Variants in TPCN2 observed in about 807,000 individuals in gnomAD.
TPCN2 encodes the protein two pore channel protein 2.
TPCN2 carries 92 observed loss-of-function variants against 111.4 expected under a neutral mutation model. The observed-to-expected ratio is 0.83, with a 90% CI of 0.70 to 0.98. TPCN2 has a LOEUF of 0.98. TPCN2 is among the 50% of genes least tolerant of loss of function. The pLI, the probability that TPCN2 is intolerant of heterozygous loss-of-function variation, is 0.00. For missense variants in TPCN2, 995 were observed against 980.1 expected, an observed-to-expected ratio of 1.02 and a Z score of -0.20; for synonymous variants, 405 against 414.5, an observed-to-expected ratio of 0.98 and a Z score of 0.28.
At position 69,087,832 on chromosome 11, in the gene TPCN2, C is replaced by T. The variant is rs570283624; in HGVS notation, c.2181-43C>T. On this transcript the variant is annotated intron_variant, in intron 24 of 24. Coordinates refer to ENST00000294309, the MANE Select transcript of TPCN2 (RefSeq NM_139075.4). Reference sequence around the variant, plus strand: ...TTCTTGTGGGCAGGCCAGGGTCTCCCTCCTTTAGAGGCCCCTGTGTGCATC... The same window carrying T: ...TTCTTGTGGGCAGGCCAGGGTCTCCTTCCTTTAGAGGCCCCTGTGTGCATC... 1.9e-5 allele frequency: 30 copies of T among 1,549,756 alleles called. No individual in the cohort carries two copies. The South Asian group carries it at 3.1e-4, about 16-fold the overall frequency.
In TPCN2 at chr11:69,056,813, G is replaced by A. The variant is rs374995476; in HGVS notation, c.430-765G>A. Among the ~76,000 whole-genome samples, 44 of 151,408 alleles carry A rather than the reference G, an allele frequency of 2.9e-4. No individual in the cohort carries two copies. The South Asian group carries it at 9.2e-3, about 32-fold the overall frequency. Reference sequence around the variant, plus strand: ...CCCAAAGTGCTGGGATTACAGGTGTGAGCCACTGTGCCCGGCCGTCTTTTA... The same window carrying A: ...CCCAAAGTGCTGGGATTACAGGTGTAAGCCACTGTGCCCGGCCGTCTTTTA... On this transcript the variant is annotated intron_variant, in intron 4 of 24. Transcript: ENST00000294309.
intron 16 of TPCN2, 142 bp from the exon 17 acceptor site, chr11:69,079,692 G>T (rs1855926955): frequency 2.5e-5 from 17 of 691,014 alleles, no homozygotes; most frequent in Non-Finnish European, 3.8e-5. Flanking sequence ...CCAACCCGTG[G>T]GGTCCAGGAC....
chr11:69,072,262 G>A (rs1206272624), intron 11 of TPCN2, among the ~76,000 whole-genome samples: 3 of 152,206 alleles, frequency 2.0e-5, no homozygotes, highest in East Asian at 1.9e-4. Context: ...AGGGCCGAGT[G>A]GCCCGGCCTT....
At chr11:69,078,096 G>T (rs934911250) in intron 13 of TPCN2, among the ~76,000 whole-genome samples, 2 of 152,050 alleles carry the variant, frequency 1.3e-5, no homozygotes, top group Non-Finnish European at 2.9e-5. Context: ...CAGTACAGGA[G>T]TTGGTTCTGT....
At chr11:69,084,143 C>G (rs1856167177) in intron 19 of TPCN2, 127 bp downstream of exon 19, 15 of 942,546 alleles carry the variant, frequency 1.6e-5, no homozygotes, top group Non-Finnish European at 2.5e-5. Context: ...CGGACGGCAG[C>G]AGGTTCCTGA....
intron 19 of TPCN2, 64 bp from the exon 20 acceptor site, chr11:69,085,146 G>C (rs1262795466): frequency 6.9e-7 from 1 of 1,450,224 alleles, no homozygotes; most frequent in East Asian, 2.3e-5. Flanking sequence ...GTTCTGTCTG[G>C]GGAGGGTGGT....
At position 69,073,775 on chromosome 11, in the gene TPCN2, G is replaced by A. The variant is rs186096729; in HGVS notation, c.1230+774G>A. Among the ~76,000 whole-genome samples the A allele has an allele frequency of 2.6e-5, 4 of 151,912 alleles. 1 individual carries two copies. The East Asian group carries it at 5.8e-4, about 22-fold the overall frequency. On this transcript the variant is annotated intron_variant, in intron 13 of 24. Transcript: ENST00000294309. ...ATGTCCTCACCTGAGGCCTCTCTCC[G>A]TGGCCTGTAGATGCCAGCCTCTCCC...
intron 5 of TPCN2, among the ~76,000 whole-genome samples, chr11:69,059,771 A>T (rs1047393287): frequency 6.6e-6 from 1 of 152,252 alleles, no homozygotes; most frequent in Non-Finnish European, 1.5e-5. Context: ...CATAACCTGC[A>T]TGCCTGTCTG....
At position 69,081,487 on chromosome 11, in the gene TPCN2, C is replaced by T. The variant is rs1171175327; in HGVS notation, c.1677C>T (p.Ile559=). Reference sequence around the variant, plus strand: ...TCGTGTTCCGCTTCCTGCGTATCATCCCCAGCATGAAGGTGTGTGCCGGCC... The same window carrying T: ...TCGTGTTCCGCTTCCTGCGTATCATTCCCAGCATGAAGGTGTGTGCCGGCC... ...MLIVFRFLRI[I]PSMKLMAVVA... Residue 559 remains isoleucine (I), a synonymous_variant, in exon 18 of 25, where the codon ATC becomes ATT. Coordinates refer to ENST00000294309, the MANE Select transcript of TPCN2 (RefSeq NM_139075.4). 6.4e-7 allele frequency: 1 copy of T among 1,568,120 alleles called. No individual in the cohort carries two copies.
intron 24 of TPCN2, 145 bp from the exon 25 acceptor site, chr11:69,087,730 G>T: frequency 1.6e-6 from 1 of 618,990 alleles, no homozygotes; most frequent in South Asian, 2.1e-5. Flanking sequence ...CATCCATCCT[G>T]AGGCTCATCT....
At chr11:69,074,078 C>T (rs979746004) in intron 13 of TPCN2, among the ~76,000 whole-genome samples, 4 of 152,198 alleles carry the variant, frequency 2.6e-5, no homozygotes, top group Admixed American at 6.5e-5. Flanking sequence ...GTTAAAGATA[C>T]GAATTTCGAG....
Position 69,054,083 on chromosome 11 carries a change from G to C in TPCN2, c.160G>C (p.Glu54Gln), listed in dbSNP as rs774969666. 7 of 1,613,564 alleles carry C rather than the reference G, an allele frequency of 4.3e-6. No individual in the cohort carries two copies. In the East Asian group the frequency reaches 1.6e-4, roughly 36 times the overall value. ...LCIDQAVVFI[E>Q]DAIQYRSINH... ...CATTGATCAGGCTGTGGTCTTCATC[G>C]AAGATGCTATTCAGGTCGGTGGCAC... Residue 54 changes from glutamate (E) to glutamine (Q), a missense_variant, in exon 2 of 25, where the codon GAA becomes CAA. By Grantham distance (29) the Glu-to-Gln change is conservative (BLOSUM62 2). Transcript: ENST00000294309.
chr11:69,075,396 T>G (rs970489292), intron 13 of TPCN2, among the ~76,000 whole-genome samples: 1 of 152,224 alleles, frequency 6.6e-6, no homozygotes, highest in Non-Finnish European at 1.5e-5. Context: ...TTTAAGTCAT[T>G]TCTAGACTAC....
chr11:69,059,391 G>T (rs898806390), intron 5 of TPCN2, among the ~76,000 whole-genome samples: 1 of 152,188 alleles, frequency 6.6e-6, no homozygotes, highest in African/African-American at 2.4e-5. Flanking sequence ...TCCAGAGCGG[G>T]GACCCAGAAT....
At chr11:69,051,801 G>T (rs1473834785) in intron 1 of TPCN2, among the ~76,000 whole-genome samples, 2 of 152,034 alleles carry the variant, frequency 1.3e-5, no homozygotes, top group Admixed American at 1.3e-4. Flanking sequence ...AGAAGCAGCA[G>T]CCTGAGTAAA....
At position 69,072,679 on chromosome 11, in the gene TPCN2, G is replaced by A. The variant is rs756906978; in HGVS notation, c.1114G>A (p.Asp372Asn). Residue 372 changes from aspartate (D) to asparagine (N), a missense_variant, in exon 12 of 25, where the codon GAC becomes AAC. Transcript: ENST00000294309. The stretch of plus-strand genomic sequence containing the variant: ...GCAGGTGCTTCAGAAGGTCCAGCTG[G>A]ACAGCTCCCACAAACAGGCCATGAT... ...LLQVLQKVQL[D>N]SSHKQAMMEK... 5 of 1,613,834 alleles carry A rather than the reference G, an allele frequency of 3.1e-6. No individual in the cohort carries two copies. The highest frequency in any genetic ancestry group is 1.7e-4 in the Middle Eastern group (1 of 6,036).
At chr11:69,083,730 C>T (rs1172645324) in intron 18 of TPCN2, among the ~76,000 whole-genome samples, 6 of 151,716 alleles carry the variant, frequency 4.0e-5, no homozygotes, top group Admixed American at 6.6e-5. Flanking sequence ...TGTTGGGGTG[C>T]GAGGGTGTGT....
intron 18 of TPCN2, among the ~76,000 whole-genome samples, chr11:69,082,029 C>T (rs1318115577): frequency 6.6e-6 from 1 of 152,110 alleles, no homozygotes; most frequent in Non-Finnish European, 1.5e-5. Flanking sequence ...GGCCTTGCTG[C>T]TCCTGGCATC....
chr11:69,055,397 G>C (rs761077360), intron 4 of TPCN2, 45 bp downstream of exon 4: 9 of 1,520,012 alleles, frequency 5.9e-6, no homozygotes, highest in Admixed American at 4.3e-5. Context: ...CGGCCTCCCA[G>C]CGCCTGGCCG....
Sources: allele counts gnomAD v4.1 joint callset (sites outside exome capture counted in the v4.1 genomes callset), GRCh38; gene constraint gnomAD v4.1.1; transcripts MANE v1.5; gene names NCBI Gene and HGNC (gene_info 2026-07-23, HGNC 2026-07-21).